BNC2: variants seen among roughly 807,000 people sequenced by gnomAD.
BNC2 encodes basonuclin zinc finger protein 2.
A neutral mutation model predicts 76.3 loss-of-function variants in BNC2; 20 were observed. That is an observed-to-expected ratio of 0.26 (90% CI 0.18 to 0.38). The LOEUF is 0.38. BNC2 is among the 10% of genes least tolerant of loss of function. BNC2 has a pLI of 1.00. For synonymous variants in BNC2, 582 were observed against 514.8 expected, an observed-to-expected ratio of 1.13 and a Z score of -1.77; for missense variants, 1,382 against 1,399.8, an observed-to-expected ratio of 0.99 and a Z score of 0.20.
chr9:16,513,734 C>G (rs1040578481), intron 5 of BNC2, among the ~76,000 whole-genome samples: 5 of 152,086 alleles, frequency 3.3e-5, no homozygotes, highest in African/African-American at 1.2e-4. Context: ...AGTCCATAGT[C>G]GGGAAGGACC....
At chr9:16,766,094 T>C (rs1050921537) in intron 1 of BNC2, among the ~76,000 whole-genome samples, 3 of 152,224 alleles carry the variant, frequency 2.0e-5, no homozygotes, top group Non-Finnish European at 4.4e-5. Flanking sequence ...GCACTCATAA[T>C]TTCTTAAGTG....
chr9:16,728,121 G>T, intron 2 of BNC2, 124 bp from the exon 3 acceptor site: 1 of 596,398 alleles, frequency 1.7e-6, no homozygotes, highest in Non-Finnish European at 3.1e-6. Flanking sequence ...GAGGGAGGGG[G>T]TCAGAGCTTC....
chr9:16,869,099 G>A (rs573796241), intron 1 of BNC2, among the ~76,000 whole-genome samples: 22 of 152,280 alleles, frequency 1.4e-4, no homozygotes, highest in African/African-American at 5.1e-4. Context: ...CTTTTACAGT[G>A]TTCTTGTGTA....
At chr9:16,708,330 G>GGTGAAAGT (rs1823737759) in intron 3 of BNC2, among the ~76,000 whole-genome samples, 1 of 152,206 alleles carries the variant, frequency 6.6e-6, no homozygotes, top group South Asian at 2.1e-4. Flanking sequence ...AAGCAAAATA[G>GGTGAAAGT]GTGAAAGTTT....
chr9:16,442,353 T>C (rs914168730), intron 5 of BNC2, among the ~76,000 whole-genome samples: 2 of 152,248 alleles, frequency 1.3e-5, no homozygotes, highest in East Asian at 1.9e-4. Flanking sequence ...TGTTACTTCA[T>C]TGGAACTGGT....
At chr9:16,812,395 C>G (rs1486129071) in intron 1 of BNC2, among the ~76,000 whole-genome samples, 2 of 152,218 alleles carry the variant, frequency 1.3e-5, no homozygotes, top group Non-Finnish European at 2.9e-5. Context: ...AGCCTGAGAG[C>G]TGGTCTCGTA....
At chr9:16,813,393 G>A (rs960715318) in intron 1 of BNC2, among the ~76,000 whole-genome samples, 4 of 151,442 alleles carry the variant, frequency 2.6e-5, no homozygotes, top group Admixed American at 6.6e-5. Context: ...AGCCTCCCGA[G>A]TAGCTGGGAC....
At chr9:16,785,523 T>A (rs1351406714) in intron 1 of BNC2, among the ~76,000 whole-genome samples, 1 of 150,146 alleles carries the variant, frequency 6.7e-6, no homozygotes, top group Non-Finnish European at 1.5e-5. Context: ...GCCTCCTGAG[T>A]TGCTGGGACT....
At chr9:16,781,552 A>G (rs1223805570) in intron 1 of BNC2, among the ~76,000 whole-genome samples, 5 of 152,166 alleles carry the variant, frequency 3.3e-5, no homozygotes, top group Middle Eastern at 3.2e-3. Context: ...TGTGTTGCCC[A>G]TGCTGGTCGC....
At chr9:16,574,736 G>A (rs1819433823) in intron 4 of BNC2, among the ~76,000 whole-genome samples, 1 of 152,092 alleles carries the variant, frequency 6.6e-6, no homozygotes. Flanking sequence ...TATTGACTTA[G>A]CAATAACAAT....
chr9:16,790,908 C>G (rs1817486678), intron 1 of BNC2, among the ~76,000 whole-genome samples: 1 of 140,360 alleles, frequency 7.1e-6, no homozygotes, highest in Non-Finnish European at 1.5e-5. Context: ...GCACTTTGAT[C>G]TTTGACAATT....
In BNC2 at chr9:16,418,694, G is replaced by T; in HGVS notation, c.*295C>A. The T allele has an allele frequency of 2.8e-6, 1 of 351,606 alleles. No homozygotes were observed. Among genetic ancestry groups the T allele is most frequent in the Non-Finnish European group, 5.3e-6 (1 of 189,120 alleles). 21.8% of individuals were successfully genotyped at this position (351,606 alleles called of 1,614,324 possible). ...TGTGTGTGTGTGTGTGTGTGTGTAT[G>T]TGCATGTGTGTGTGTGTGTGTTTAA... On this transcript the variant is annotated 3_prime_UTR_variant, in exon 7 of 7. Transcript: ENST00000380672.
At chr9:16,821,008 G>A (rs1818315020) in intron 1 of BNC2, among the ~76,000 whole-genome samples, 1 of 152,000 alleles carries the variant, frequency 6.6e-6, no homozygotes, top group Non-Finnish European at 1.5e-5. Flanking sequence ...CGAGGCGGGT[G>A]GATCACTTGA....
chr9:16,665,370 CAAAAAA>C (rs1195291523), intron 3 of BNC2, among the ~76,000 whole-genome samples: 1 of 3,034 alleles, frequency 3.3e-4, no homozygotes, highest in African/African-American at 9.4e-4. Context: ...ACCTCTGTCT[CAAAAAA>C]AAAAAAAAAA....
intron 1 of BNC2, among the ~76,000 whole-genome samples, chr9:16,863,869 C>A (rs1017615977): frequency 6.6e-6 from 1 of 152,032 alleles, no homozygotes; most frequent in Admixed American, 6.6e-5. Context: ...CTGTTGAAAT[C>A]AGGAGACAAA....
At chr9:16,546,685 C>T (rs532037216) in intron 5 of BNC2, among the ~76,000 whole-genome samples, 2 of 152,202 alleles carry the variant, frequency 1.3e-5, no homozygotes, top group South Asian at 2.1e-4. Flanking sequence ...CCAATTTTAC[C>T]TAAGGTCAGA....
intron 1 of BNC2, among the ~76,000 whole-genome samples, chr9:16,837,606 G>A (rs919154533): frequency 2.6e-5 from 4 of 152,232 alleles, no homozygotes; most frequent in African/African-American, 9.6e-5. Context: ...GTCTGGTGAA[G>A]AGGAGGTTCT....
chr9:16,420,701 T>TATA (rs1820692512), intron 6 of BNC2, among the ~76,000 whole-genome samples: 2 of 138,040 alleles, frequency 1.4e-5, no homozygotes, highest in Non-Finnish European at 3.2e-5. Context: ...ATACATATTT[T>TATA]TTTACATATA....
At chr9:16,547,056 C>G (rs1818507463) in intron 5 of BNC2, among the ~76,000 whole-genome samples, 1 of 152,200 alleles carries the variant, frequency 6.6e-6, no homozygotes, top group African/African-American at 2.4e-5. Flanking sequence ...CTTCTGTGAT[C>G]AGGGGAAAGT....
Sources: gnomAD v4.1 joint callset for allele counts (sites outside exome capture counted in the v4.1 genomes callset) on GRCh38, gnomAD v4.1.1 for gene constraint, MANE v1.5 for transcripts, NCBI Gene and HGNC (gene_info 2026-07-23, HGNC 2026-07-21) for gene names.